TMEM232: variants seen among roughly 807,000 people sequenced by gnomAD.
TMEM232 encodes transmembrane protein 232.
Under a neutral mutation model 78.8 loss-of-function variants are expected in TMEM232, and 80 were observed. The observed-to-expected ratio is 1.01, with a 90% CI of 0.85 to 1.22. The LOEUF (loss-of-function observed/expected upper bound fraction) is 1.22. Ranked by LOEUF, TMEM232 falls within the 50% of genes most tolerant of loss-of-function variation. The pLI is 0.00. For missense variants in TMEM232, 881 were observed against 742.2 expected, an observed-to-expected ratio of 1.19 and a Z score of -2.17; for synonymous variants, 297 against 254.3, an observed-to-expected ratio of 1.17 and a Z score of -1.60.
chr5:110,652,294 G>A lies in TMEM232; in HGVS notation c.126-9923C>T, dbSNP rs202190664. The stretch of plus-strand genomic sequence containing the variant: ...CAAGCACACAAAAGTGCACGCGCGC[G>A]CACACACACACACACACACACACAC... On this transcript the variant is annotated intron_variant, in intron 2 of 13. Coordinates refer to ENST00000455884, the MANE Select transcript of TMEM232 (RefSeq NM_001039763.4). Among the ~76,000 whole-genome samples, 102 of 145,440 alleles carry A rather than the reference G, an allele frequency of 7.0e-4. No individual in the cohort carries two copies. In the Middle Eastern group the frequency reaches 0.018, roughly 25 times the overall value.
chr5:110,608,848 G>A (rs1781828246), intron 8 of TMEM232, among the ~76,000 whole-genome samples: 1 of 152,040 alleles, frequency 6.6e-6, no homozygotes, highest in Non-Finnish European at 1.5e-5. Flanking sequence ...GCTTCTTTGT[G>A]AACTCATTAT....
chr5:110,422,158 G>T (rs1319476929), intron 13 of TMEM232, among the ~76,000 whole-genome samples: 1 of 151,916 alleles, frequency 6.6e-6, no homozygotes, highest in Non-Finnish European at 1.5e-5. Context: ...AGTTATAGTT[G>T]GTATAATAAT....
At chr5:110,609,320 A>G (rs1469283821) in intron 8 of TMEM232, among the ~76,000 whole-genome samples, 2 of 152,086 alleles carry the variant, frequency 1.3e-5, no homozygotes, top group Non-Finnish European at 2.9e-5. Context: ...GAAAGCAATA[A>G]GGAGCACCCA....
At chr5:110,472,486 A>T (rs1348878243) in intron 12 of TMEM232, among the ~76,000 whole-genome samples, 2 of 151,984 alleles carry the variant, frequency 1.3e-5, no homozygotes, top group African/African-American at 4.8e-5. Context: ...TATTCTGCAG[A>T]GTGAGTCAAT....
intron 10 of TMEM232, among the ~76,000 whole-genome samples, chr5:110,599,094 A>G (rs2149802666): frequency 6.6e-6 from 1 of 152,276 alleles, no homozygotes; most frequent in Admixed American, 6.5e-5. Flanking sequence ...AAGGAGAAAT[A>G]AAATCCTTTA....
At chr5:110,427,835 T>C (rs892110946) in intron 12 of TMEM232, among the ~76,000 whole-genome samples, 4 of 151,888 alleles carry the variant, frequency 2.6e-5, no homozygotes, top group Non-Finnish European at 4.4e-5. Flanking sequence ...TACAATGACA[T>C]TTAATTTTTT....
chr5:110,717,535 A>G (rs1797141369), intron 1 of TMEM232, among the ~76,000 whole-genome samples: 1 of 152,142 alleles, frequency 6.6e-6, no homozygotes, highest in African/African-American at 2.4e-5. Context: ...CTCTTGCCCA[A>G]TGTCCTTAAG....
At chr5:110,418,425 A>T (rs1756351684), downstream of TMEM232, among the ~76,000 whole-genome samples, 1 of 152,184 alleles carries the variant, frequency 6.6e-6, no homozygotes, top group African/African-American at 2.4e-5. Flanking sequence ...AAAAAGAATC[A>T]GTGAAATAGG....
chr5:110,540,677 C>G (rs183472450), intron 11 of TMEM232, among the ~76,000 whole-genome samples: 61 of 152,260 alleles, frequency 4.0e-4, no homozygotes, highest in Admixed American at 2.9e-3. Context: ...AATCGTAGTA[C>G]AATTGAAGCC....
At chr5:110,499,451 C>T (rs1380377992) in intron 12 of TMEM232, among the ~76,000 whole-genome samples, 1 of 152,016 alleles carries the variant, frequency 6.6e-6, no homozygotes, top group Non-Finnish European at 1.5e-5. Flanking sequence ...GAGACAGGTT[C>T]TTGCTATGTT....
chr5:110,613,530 G>A (rs1561387266), intron 8 of TMEM232, among the ~76,000 whole-genome samples: 2 of 152,066 alleles, frequency 1.3e-5, no homozygotes, highest in South Asian at 2.1e-4. Context: ...TCCTGCTAAT[G>A]GTCACTGGCA....
chr5:110,533,145 C>T (rs1000938432), intron 11 of TMEM232, among the ~76,000 whole-genome samples: 1 of 152,172 alleles, frequency 6.6e-6, no homozygotes, highest in Non-Finnish European at 1.5e-5. Flanking sequence ...TCTTTGCTTT[C>T]ACCTGGACTG....
At chr5:110,517,614 A>G (rs1335503519) in intron 12 of TMEM232, among the ~76,000 whole-genome samples, 1 of 152,142 alleles carries the variant, frequency 6.6e-6, no homozygotes, top group Non-Finnish European at 1.5e-5. Flanking sequence ...ACATTCACAT[A>G]GACTATGTGA....
intron 2 of TMEM232, among the ~76,000 whole-genome samples, chr5:110,651,303 T>C (rs1190421340): frequency 1.3e-5 from 2 of 151,906 alleles, no homozygotes; most frequent in African/African-American, 4.8e-5. Context: ...TCGGGAAAGG[T>C]GAGACTTTGC....
intron 12 of TMEM232, among the ~76,000 whole-genome samples, chr5:110,522,917 G>C (rs1769761168): frequency 6.6e-6 from 1 of 152,052 alleles, no homozygotes; most frequent in Admixed American, 6.6e-5. Flanking sequence ...GGATAAAGCT[G>C]GTCACTTAAA....
intron 2 of TMEM232, among the ~76,000 whole-genome samples, chr5:110,400,925 A>T (rs1419712655): frequency 6.6e-6 from 1 of 151,996 alleles, no homozygotes; most frequent in Non-Finnish European, 1.5e-5. Context: ...TAGGATATAG[A>T]TATGTATTTT....
At chr5:110,464,879 A>G (rs918354278) in intron 12 of TMEM232, among the ~76,000 whole-genome samples, 3 of 152,188 alleles carry the variant, frequency 2.0e-5, no homozygotes, top group African/African-American at 7.2e-5. Flanking sequence ...ATTTCATGCT[A>G]TAGTTCACTA....
At chr5:110,595,534 G>A (rs1271223124) in intron 10 of TMEM232, among the ~76,000 whole-genome samples, 1 of 152,122 alleles carries the variant, frequency 6.6e-6, no homozygotes, top group Non-Finnish European at 1.5e-5. Context: ...TTGATAAAAG[G>A]TTACAGGAAC....
intron 12 of TMEM232, among the ~76,000 whole-genome samples, chr5:110,473,059 C>CAA (rs111965771): frequency 5.1e-5 from 6 of 117,272 alleles, no homozygotes; most frequent in African/African-American, 1.3e-4. Context: ...GCAACAAATG[C>CAA]AAAAAAAAAA....
Sources: gnomAD v4.1 joint callset for allele counts (sites outside exome capture counted in the v4.1 genomes callset) on GRCh38, gnomAD v4.1.1 for gene constraint, MANE v1.5 for transcripts, NCBI Gene and HGNC (gene_info 2026-07-23, HGNC 2026-07-21) for gene names.